Variants in ANKFN1 observed in about 807,000 individuals in gnomAD.
The protein encoded by ANKFN1 is ankyrin repeat and fibronectin type III domain containing 1, also known as ankyrin repeat and fibronectin type-III domain-containing protein 1.
In ANKFN1, 74 loss-of-function variants were observed where a neutral mutation model predicts 108.7. That is an observed-to-expected ratio of 0.68 (90% CI 0.56 to 0.83). ANKFN1 has a LOEUF of 0.83. ANKFN1 is among the 40% of genes least tolerant of loss of function. The pLI, the probability that ANKFN1 is intolerant of heterozygous loss-of-function variation, is 0.00. For missense variants in ANKFN1, 1,505 were observed against 1,382.3 expected (o/e 1.09, Z -1.41); for synonymous variants, 547 against 516.2 (o/e 1.06, Z -0.81).
chr17:56,494,235 T>C (rs542933808), intron 19 of ANKFN1, among the ~76,000 whole-genome samples: 1 of 152,290 alleles, frequency 6.6e-6, no homozygotes, highest in East Asian at 1.9e-4. Flanking sequence ...CCTCTCAGAA[T>C]AGAGAAAGAA....
Position 56,384,435 on chromosome 17 carries a change from C to T in ANKFN1, c.910+9721C>T, listed in dbSNP as rs1269626544. Reference sequence around the variant, plus strand: ...AACTGGCACAAGACAGGGATGCCCTCTCACCACTCCTATTCAACATAGTGT... The same window carrying T: ...AACTGGCACAAGACAGGGATGCCCTTTCACCACTCCTATTCAACATAGTGT... On this transcript the variant is annotated intron_variant, in intron 8 of 20. Transcript: ENST00000682825. Among the ~76,000 whole-genome samples, 8 of 152,314 alleles carry T rather than the reference C, an allele frequency of 5.3e-5. No homozygotes were observed. In the South Asian group the frequency reaches 1.7e-3, roughly 32 times the overall value.
intron 1 of ANKFN1, among the ~76,000 whole-genome samples, chr17:56,165,841 C>T (rs1910089924): frequency 6.6e-6 from 1 of 152,132 alleles, no homozygotes; most frequent in African/African-American, 2.4e-5. Context: ...TTGTTACTAA[C>T]AACAAGAATT....
chr17:56,295,000 T>C (rs1032861362), intron 3 of ANKFN1, among the ~76,000 whole-genome samples: 20 of 152,234 alleles, frequency 1.3e-4, no homozygotes, highest in African/African-American at 4.8e-4. Context: ...AGTTTGTTTG[T>C]GACCATCTCT....
At chr17:56,247,174 G>T (rs1295206907) in intron 3 of ANKFN1, among the ~76,000 whole-genome samples, 1 of 152,152 alleles carries the variant, frequency 6.6e-6, no homozygotes, top group Non-Finnish European at 1.5e-5. Context: ...CTGCTTTGCA[G>T]AAAACATTGG....
intron 1 of ANKFN1, among the ~76,000 whole-genome samples, chr17:56,185,290 T>G (rs569986337): frequency 1.3e-5 from 2 of 152,344 alleles, no homozygotes; most frequent in South Asian, 2.1e-4. Flanking sequence ...TTCATGTATT[T>G]GTTCTGCATA....
intron 6 of ANKFN1, among the ~76,000 whole-genome samples, chr17:56,359,523 A>C (rs1261134516): frequency 6.6e-6 from 1 of 152,006 alleles, no homozygotes; most frequent in African/African-American, 2.4e-5. Context: ...TTCTTGGTGA[A>C]TGCCTCCCTC....
At chr17:56,075,440 C>G (rs1905170210) in intron 4 of ANKFN1, among the ~76,000 whole-genome samples, 1 of 152,126 alleles carries the variant, frequency 6.6e-6, no homozygotes, top group African/African-American at 2.4e-5. Context: ...TTCTCAGCAT[C>G]TCCTCAAGTT....
chr17:56,171,860 C>T (rs530995643), intron 1 of ANKFN1, among the ~76,000 whole-genome samples: 1 of 152,284 alleles, frequency 6.6e-6, no homozygotes, highest in African/African-American at 2.4e-5. Context: ...AAACTCCTAG[C>T]TAGCAGGGCT....
chr17:56,079,637 C>T (rs1344657658), intron 4 of ANKFN1, among the ~76,000 whole-genome samples: 1 of 152,004 alleles, frequency 6.6e-6, no homozygotes, highest in Non-Finnish European at 1.5e-5. Context: ...CAGGACTGGG[C>T]TGGATAAAGA....
intron 4 of ANKFN1, among the ~76,000 whole-genome samples, chr17:56,126,988 G>C (rs1431656128): frequency 6.6e-6 from 1 of 152,162 alleles, no homozygotes; most frequent in African/African-American, 2.4e-5. Context: ...TATCATAAAT[G>C]CTCAAAAAGA....
chr17:56,354,124 C>A, intron 6 of ANKFN1, 78 bp downstream of exon 6: 1 of 1,391,664 alleles, frequency 7.2e-7, no homozygotes, highest in Non-Finnish European at 9.9e-7. Flanking sequence ...CCATTGCTGA[C>A]TTTCAGAGCA....
intron 6 of ANKFN1, among the ~76,000 whole-genome samples, chr17:56,368,569 C>T (rs1468545351): frequency 3.3e-5 from 5 of 151,704 alleles, no homozygotes; most frequent in East Asian, 1.9e-4. Context: ...TGTGAGCCAC[C>T]GCGCCCGGCT....
At chr17:56,123,046 T>G (rs1017035478) in intron 4 of ANKFN1, among the ~76,000 whole-genome samples, 14 of 152,268 alleles carry the variant, frequency 9.2e-5, no homozygotes, top group African/African-American at 3.4e-4. Context: ...GGAACTTTAC[T>G]AAGCATTTTC....
At chr17:56,296,451 A>G (rs1390569724) in intron 3 of ANKFN1, among the ~76,000 whole-genome samples, 1 of 152,158 alleles carries the variant, frequency 6.6e-6, no homozygotes, top group African/African-American at 2.4e-5. Flanking sequence ...TGGGAGGCCG[A>G]GGCAGGCAGA....
chr17:56,412,162 A>G (rs905167337), intron 8 of ANKFN1, among the ~76,000 whole-genome samples: 2 of 152,108 alleles, frequency 1.3e-5, no homozygotes, highest in African/African-American at 2.4e-5. Context: ...TTCCATACTC[A>G]TTTTTGGTCT....
intron 4 of ANKFN1, among the ~76,000 whole-genome samples, chr17:56,103,290 G>A (rs1263091024): frequency 6.6e-6 from 1 of 152,178 alleles, no homozygotes; most frequent in Non-Finnish European, 1.5e-5. Flanking sequence ...AACAAGAGGA[G>A]CAGAGCTGAG....
intron 4 of ANKFN1, among the ~76,000 whole-genome samples, chr17:56,116,675 C>T (rs1906299907): frequency 6.6e-6 from 1 of 152,130 alleles, no homozygotes. Context: ...GCTGTTGGCG[C>T]CATGCTTCTT....
At chr17:56,377,950 G>A (rs540698853) in intron 8 of ANKFN1, among the ~76,000 whole-genome samples, 1 of 152,266 alleles carries the variant, frequency 6.6e-6, no homozygotes, top group Non-Finnish European at 1.5e-5. Flanking sequence ...CAGTACCCGG[G>A]TTCTGGGTGG....
chr17:56,192,088 A>G (rs1209768081), intron 1 of ANKFN1, among the ~76,000 whole-genome samples: 1 of 152,118 alleles, frequency 6.6e-6, no homozygotes, highest in Non-Finnish European at 1.5e-5. Context: ...GCCCTCAGAA[A>G]TAACGCTGCT....
Sources: gnomAD v4.1 joint callset for allele counts (sites outside exome capture counted in the v4.1 genomes callset) on GRCh38, gnomAD v4.1.1 for gene constraint, MANE v1.5 for transcripts, NCBI Gene and HGNC (gene_info 2026-07-23, HGNC 2026-07-21) for gene names.